IGSF9: variants seen among roughly 807,000 people sequenced by gnomAD.
IGSF9 encodes immunoglobulin superfamily member 9.
Under a neutral mutation model 121.7 loss-of-function variants are expected in IGSF9, and 87 were observed. That is an observed-to-expected ratio of 0.71 (90% CI 0.60 to 0.85). The LOEUF (loss-of-function observed/expected upper bound fraction) is 0.85. IGSF9 is among the 40% of genes least tolerant of loss of function. IGSF9 has a pLI of 0.00. For synonymous variants in IGSF9, 640 were observed against 648.4 expected (o/e 0.99, Z 0.20); for missense variants, 1,462 against 1,565.3 (o/e 0.93, Z 1.11).
At position 159,934,092 on chromosome 1, in the gene IGSF9, A is replaced by G. The variant is rs1024752122; in HGVS notation, c.1104+98T>C. 9.3e-5 allele frequency: 123 copies of G among 1,317,712 alleles called. No individual in the cohort carries two copies. The African/African-American group carries it at 1.4e-3, about 15-fold the overall frequency. The allele number at this position is 1,317,712 out of a possible 1,614,324, so 81.6% of individuals were successfully genotyped here. A position where few individuals can be genotyped will look rare whatever the true frequency, so the allele number is the denominator to read the frequency against. Reference sequence around the variant, plus strand: ...AAATTCACAAAAGATGTGTGTCCCCAGTCACTGAACTGAATTAAACCGAGC... The same window carrying G: ...AAATTCACAAAAGATGTGTGTCCCCGGTCACTGAACTGAATTAAACCGAGC... On this transcript the variant is annotated intron_variant, in intron 9 of 20. Transcript: ENST00000368094.
At chr1:159,929,548 CAGGAGCGAGGGCTTTTCCCCCA>C (rs1650894375) in intron 17 of IGSF9, 68 bp downstream of exon 17, 13 of 1,494,832 alleles carry the variant, frequency 8.7e-6, no homozygotes, top group Non-Finnish European at 1.8e-6. Flanking sequence ...CTGGATCACA[CAGGAGCGAGGGCTTTTCCCCCA>C]GGTAGGAGGG....
Position 159,932,660 on chromosome 1 carries a change from G to A in IGSF9, c.1105-8C>T. ...CTGGGACCAGCCAGGGAACTGGAAG[G>A]AAGAGAAGATGACAGCTAGAGAGAG... On this transcript the variant is annotated splice_region_variant and splice_polypyrimidine_tract_variant and intron_variant, in intron 9 of 20. Coordinates refer to ENST00000368094, the MANE Select transcript of IGSF9 (RefSeq NM_001135050.2). The surrounding 1 kb of genome is among the most constrained non-coding windows in gnomAD (Gnocchi z 4.1). 4 of 1,608,376 alleles carry A rather than the reference G, an allele frequency of 2.5e-6. No homozygotes were observed. Among genetic ancestry groups the A allele is most frequent in the Non-Finnish European group, 3.4e-6 (4 of 1,176,292 alleles).
rs770440294 is a variant in IGSF9 at position 159,943,065 on chromosome 1, G to A, written c.145C>T (p.Arg49Trp). The change falls in exon 3 of 21, where the codon CGG becomes TGG. Residue 49 changes from arginine to tryptophan, a missense_variant. Transcript: ENST00000368094. The part of the protein sequence containing the change: ...LGCDLLPPAG[R>W]PPLHVIEWLR... ...CACTCGATGACATGCAGGGGGGGCC[G>A]GCCGGCCGGGGGCAGCAGGTCACAG... 10 of 1,612,648 alleles carry A rather than the reference G, an allele frequency of 6.2e-6. No homozygotes were observed. The highest frequency in any genetic ancestry group is 2.7e-5 in the African/African-American group (2 of 74,814).
At chr1:159,930,034 G>A (rs1416329091) in intron 15 of IGSF9, 59 bp from the exon 16 acceptor site, 7 of 1,573,846 alleles carry the variant, frequency 4.4e-6, no homozygotes, top group South Asian at 1.1e-5. Flanking sequence ...CCAACCCAGC[G>A]GGGCGCGGAA....
At position 159,932,076 on chromosome 1, in the gene IGSF9, A is replaced by C; in HGVS notation, c.1246-148T>G. 1.7e-6 allele frequency: 1 copy of C among 600,806 alleles called. No individual in the cohort carries two copies. Among genetic ancestry groups the C allele is most frequent in the East Asian group, 2.8e-5 (1 of 35,158 alleles). 37.2% of individuals were successfully genotyped at this position (600,806 alleles called of 1,614,324 possible). A position where few individuals can be genotyped will look rare whatever the true frequency, so the allele number is the denominator to read the frequency against. ...CACTCACCAAGCCTGTCTCTACCTC[A>C]TTCTCTCTCCATCTCTCAATTCCTC... On this transcript the variant is annotated intron_variant, in intron 10 of 20. Coordinates refer to ENST00000368094, the MANE Select transcript of IGSF9 (RefSeq NM_001135050.2). This position sits in a 1 kb window ranked among gnomAD's most constrained non-coding sequence, Gnocchi z 4.1.
At position 159,928,515 on chromosome 1, in the gene IGSF9, G is replaced by A. The variant is rs1238959737; in HGVS notation, c.2873C>T (p.Thr958Ile). The change falls in exon 19 of 21, where the codon ACC (threonine) becomes ATC (isoleucine). Residue 958 changes from threonine to isoleucine, a missense_variant. Physicochemically the swap from Thr to Ile is moderately conservative, Grantham distance 89. Transcript: ENST00000368094. The part of the protein sequence containing the change: ...SPAAPPDYMD[T>I]RRCPTSSFLR... Reference sequence around the variant, plus strand: ...GAAAGATGAGGTGGGACAGCGCCGGGTATCCATGTAATCTGGGGGTGCAGC... The same window carrying A: ...GAAAGATGAGGTGGGACAGCGCCGGATATCCATGTAATCTGGGGGTGCAGC... The A allele has an allele frequency of 6.4e-7, 1 of 1,567,164 alleles. No individual in the cohort carries two copies. Among genetic ancestry groups the A allele is most frequent in the African/African-American group, 1.4e-5 (1 of 74,012 alleles).
chr1:159,936,967 C>A (rs1032264019), intron 4 of IGSF9, 59 bp from the exon 5 acceptor site: 4 of 1,573,938 alleles, frequency 2.5e-6, no homozygotes, highest in African/African-American at 2.7e-5. Context: ...AAAGCAGTGT[C>A]CAAGGGCCAG....
chr1:159,929,038 C>T lies in IGSF9; in HGVS notation c.2370-20G>A. 6.6e-7 allele frequency: 1 copy of T among 1,512,308 alleles called. No homozygotes were observed. Among genetic ancestry groups the T allele is most frequent in the Non-Finnish European group, 8.8e-7 (1 of 1,132,262 alleles). The allele number at this position is 1,512,308 out of a possible 1,614,324, so 93.7% of individuals were successfully genotyped here. ...GCAGAGCTGGGGAAGGACAGGAGAT[C>T]AGGGTCTGTGGTAGGGGCAGGTCCC... On this transcript the variant is annotated intron_variant, in intron 18 of 20. Coordinates refer to ENST00000368094, the MANE Select transcript of IGSF9 (RefSeq NM_001135050.2).
chr1:159,939,835 C>T (rs561621937), intron 3 of IGSF9, among the ~76,000 whole-genome samples: 9 of 152,260 alleles, frequency 5.9e-5, no homozygotes, highest in African/African-American at 1.9e-4. Flanking sequence ...TTGAAATCCC[C>T]ACCCCGGAGA....
At chr1:159,943,872 G>T (rs1337728211) in intron 1 of IGSF9, among the ~76,000 whole-genome samples, 2 of 152,088 alleles carry the variant, frequency 1.3e-5, no homozygotes, top group Admixed American at 1.3e-4. Flanking sequence ...TGGGAGAGTT[G>T]GGAAGGTCTT....
chr1:159,934,093 G>T, intron 9 of IGSF9, 97 bp downstream of exon 9: 1 of 1,338,628 alleles, frequency 7.5e-7, no homozygotes, highest in Admixed American at 2.1e-5. Context: ...TGTGTCCCCA[G>T]TCACTGAACT....
At chr1:159,936,342 G>T in intron 6 of IGSF9, 57 bp downstream of exon 6, 1 of 1,467,210 alleles carries the variant, frequency 6.8e-7, no homozygotes. Flanking sequence ...TTCAGCCACA[G>T]GTCACAGCCC....
chr1:159,928,406 G>T lies in IGSF9; in HGVS notation c.2982C>A (p.Pro994=), dbSNP rs753918432. The change falls in exon 19 of 21, where the codon CCC becomes CCA. Residue 994 remains proline, a synonymous_variant. Coordinates refer to ENST00000368094, the MANE Select transcript of IGSF9 (RefSeq NM_001135050.2). ...AVVGAGATAE[P]PYTALADWTL... ...TCCAGTCAGCCAGGGCTGTGTAAGGGGGCTCTGCAGTGGCCCCAGCCCCTA... is the reference window on the plus strand; with the variant it reads ...TCCAGTCAGCCAGGGCTGTGTAAGGTGGCTCTGCAGTGGCCCCAGCCCCTA... The T allele has an allele frequency of 6.2e-7, 1 of 1,603,400 alleles. No individual in the cohort carries two copies. Among genetic ancestry groups the T allele is most frequent in the Non-Finnish European group, 8.5e-7 (1 of 1,177,406 alleles).
chr1:159,943,527 C>T lies in IGSF9; in HGVS notation c.-73G>A. The T allele has an allele frequency of 7.1e-7, 1 of 1,398,700 alleles. No individual in the cohort carries two copies. Among genetic ancestry groups the T allele is most frequent in the East Asian group, 2.6e-5 (1 of 39,110 alleles). The allele number at this position is 1,398,700 out of a possible 1,614,324, so 86.6% of individuals were successfully genotyped here. Reference sequence around the variant, plus strand: ...GATGGAGGGGCCAAGGGATGTCCTTCTGATCAGCTCAGGGAACAGGTTTCA... The same window carrying T: ...GATGGAGGGGCCAAGGGATGTCCTTTTGATCAGCTCAGGGAACAGGTTTCA... On this transcript the variant is annotated 5_prime_UTR_variant, in exon 2 of 21. Transcript: ENST00000368094.
chr1:159,931,272 G>C lies in IGSF9; in HGVS notation c.1514-11C>G, dbSNP rs1391652773. ...CATGAGGGCTAGTGCCTAGGCAGGG[G>C]GGAATGGAGGGATGGTGGTCAGGGC... On this transcript the variant is annotated splice_polypyrimidine_tract_variant and intron_variant, in intron 12 of 20. Transcript: ENST00000368094. The surrounding 1 kb of genome is among the most constrained non-coding windows in gnomAD (Gnocchi z 4.8). The C allele has an allele frequency of 6.2e-7, 1 of 1,614,098 alleles. No individual in the cohort carries two copies. Among genetic ancestry groups the C allele is most frequent in the East Asian group, 2.2e-5 (1 of 44,874 alleles).
chr1:159,934,691 A>T lies in IGSF9; in HGVS notation c.805T>A (p.Phe269Ile), dbSNP rs372071531. Reference protein sequence around the residue: ...YSWFQDNINVFHISRLQPRVR... With the variant: ...YSWFQDNINVIHISRLQPRVR... Reference sequence around the variant, plus strand: ...TGAGGGTGACCCCACCTAATGTGGAAGACATTGATGTTGTCCTGGAACCAG... The same window carrying T: ...TGAGGGTGACCCCACCTAATGTGGATGACATTGATGTTGTCCTGGAACCAG... The change falls in exon 7 of 21, where the codon TTC becomes ATC. Residue 269 changes from phenylalanine (F) to isoleucine (I), a missense_variant. By Grantham distance (21) the Phe-to-Ile change is conservative (BLOSUM62 0). This residue lies in a region of IGSF9 where 558 missense variants were observed against 599.4 expected (regional missense o/e 0.93). Transcript: ENST00000368094. 6.2e-7 allele frequency: 1 copy of T among 1,614,112 alleles called. No homozygotes were observed. Among genetic ancestry groups the T allele is most frequent in the Non-Finnish European group, 8.5e-7 (1 of 1,180,030 alleles).
At position 159,930,757 on chromosome 1, in the gene IGSF9, C is replaced by T. The variant is rs1418986148; in HGVS notation, c.1748G>A (p.Ser583Asn). 2.5e-6 allele frequency: 4 copies of T among 1,614,052 alleles called. No individual in the cohort carries two copies. The highest frequency in any genetic ancestry group is 3.4e-6 in the Non-Finnish European group (4 of 1,180,028). ...CCCCAGCTTGTTCTGAGCTAGCACG[C>T]TGAACTGGTACTGGGTGTGGGGCTG... ...GLQPHTQYQF[S>N]VLAQNKLGSG... Residue 583 changes from serine (S) to asparagine (N), a missense_variant, in exon 14 of 21, where the codon AGC (serine) becomes AAC (asparagine). By Grantham distance (46) the Ser-to-Asn change is conservative. Coordinates refer to ENST00000368094, the MANE Select transcript of IGSF9 (RefSeq NM_001135050.2).
Position 159,929,726 on chromosome 1 carries a change from C to G in IGSF9, c.2238G>C (p.Leu746=). The change falls in exon 17 of 21, where the codon CTG becomes CTC. Residue 746 remains leucine, a synonymous_variant. Coordinates refer to ENST00000368094, the MANE Select transcript of IGSF9 (RefSeq NM_001135050.2). ...GGATGCTCACAAGGACGGCCACTCC[C>G]AGAAAGCAGACTCCGCCCACCACGC... ...LAGVVGGVCF[L]GVAVLVSILA... 1 of 1,602,710 alleles carries G rather than the reference C, an allele frequency of 6.2e-7. No homozygotes were observed. The highest frequency in any genetic ancestry group is 8.5e-7 in the Non-Finnish European group (1 of 1,175,614).
Position 159,941,337 on chromosome 1 carries a change from G to A in IGSF9, c.247+1626C>T, listed in dbSNP as rs1651372144. On this transcript the variant is annotated intron_variant, in intron 3 of 20. Coordinates refer to ENST00000368094, the MANE Select transcript of IGSF9 (RefSeq NM_001135050.2). ...TCCGAGTCCCCTACACAAAGGCTGAGAGGCCCCTTCCACACTGTGAGGCAG... is the reference window on the plus strand; with the variant it reads ...TCCGAGTCCCCTACACAAAGGCTGAAAGGCCCCTTCCACACTGTGAGGCAG... Among the ~76,000 whole-genome samples the A allele has an allele frequency of 3.3e-5, 5 of 152,318 alleles. No individual in the cohort carries two copies. In the South Asian group the frequency reaches 1.0e-3, roughly 32 times the overall value.
Sources: allele counts gnomAD v4.1 joint callset (sites outside exome capture counted in the v4.1 genomes callset), GRCh38; gene constraint gnomAD v4.1.1; regional missense constraint gnomAD v4.1.1; non-coding constraint Gnocchi (gnomAD v3.1); transcripts MANE v1.5; gene names NCBI Gene and HGNC (gene_info 2026-07-23, HGNC 2026-07-21).